Variants in NEDD4L observed in about 807,000 individuals in gnomAD.
NEDD4L encodes the protein E3 ubiquitin-protein ligase NEDD4-like.
In NEDD4L, 54 loss-of-function variants were observed where a neutral mutation model predicts 148.9. The ratio of observed to expected loss-of-function variants is 0.36; its 90% CI spans 0.29 to 0.45. The LOEUF is 0.45. NEDD4L is among the 20% of genes least tolerant of loss of function. NEDD4L has a pLI of 1.00. For missense variants in NEDD4L, 856 were observed against 1,233.8 expected (o/e 0.69, Z 4.59); for synonymous variants, 433 against 440.7 (o/e 0.98, Z 0.22).
At chr18:58,203,640 A>C (rs560713966) in intron 2 of NEDD4L, among the ~76,000 whole-genome samples, 1 of 151,252 alleles carries the variant, frequency 6.6e-6, no homozygotes, top group South Asian at 2.1e-4. Flanking sequence ...AAACTATGTT[A>C]GCTATACCCA....
Position 58,071,039 on chromosome 18 carries a change from A to C in NEDD4L, c.48+26331A>C, listed in dbSNP as rs186606323. ...ATATGTCCCATATACAGGTTAAAAA[A>C]ACACACACACACACACACCTCGGTT... On this transcript the variant is annotated intron_variant, in intron 1 of 30. Transcript: ENST00000400345. Among the ~76,000 whole-genome samples, 331 of 151,532 alleles carry C rather than the reference A, an allele frequency of 2.2e-3. 4 individuals carry two copies. The highest frequency in any genetic ancestry group is 0.013 in the Admixed American group (195 of 15,184).
At chr18:58,105,703 T>C (rs1304887312) in intron 1 of NEDD4L, among the ~76,000 whole-genome samples, 3 of 152,210 alleles carry the variant, frequency 2.0e-5, no homozygotes, top group Non-Finnish European at 4.4e-5. Context: ...CACGAGTCAA[T>C]GTGTTGTTTT....
chr18:58,387,313 C>A, intron 26 of NEDD4L, 126 bp from the exon 27 acceptor site: 1 of 1,096,454 alleles, frequency 9.1e-7, no homozygotes. Flanking sequence ...GATACTGTCA[C>A]TGACATAGGA....
chr18:58,268,668 T>G (rs2050585694), intron 5 of NEDD4L, among the ~76,000 whole-genome samples: 1 of 152,018 alleles, frequency 6.6e-6, no homozygotes, highest in African/African-American at 2.4e-5. Context: ...AAATAGACAC[T>G]CCTTTGTCTC....
At chr18:58,190,624 A>G (rs1031148714) in intron 2 of NEDD4L, among the ~76,000 whole-genome samples, 1 of 152,144 alleles carries the variant, frequency 6.6e-6, no homozygotes, top group Admixed American at 6.5e-5. Context: ...CTAAGTATGT[A>G]TATGTGTAAG....
intron 5 of NEDD4L, among the ~76,000 whole-genome samples, chr18:58,290,822 A>G (rs542781836): frequency 2.0e-5 from 3 of 152,056 alleles, no homozygotes; most frequent in East Asian, 1.9e-4. Context: ...TTAGCACCCT[A>G]TTTTTCCTCT....
At chr18:58,079,900 CTTTGT>C (rs954038271) in intron 1 of NEDD4L, among the ~76,000 whole-genome samples, 9 of 152,226 alleles carry the variant, frequency 5.9e-5, no homozygotes, top group African/African-American at 1.9e-4. Context: ...GCAGAATTCT[CTTTGT>C]TTTAATAATA....
intron 1 of NEDD4L, among the ~76,000 whole-genome samples, chr18:58,163,350 C>T (rs947110748): frequency 1.2e-4 from 18 of 152,322 alleles, no homozygotes; most frequent in Admixed American, 3.9e-4. Flanking sequence ...AGAAAAGAGC[C>T]TTGGCCTACA....
At chr18:58,047,216 A>G (rs2081625559) in intron 1 of NEDD4L, 1 of 982,672 alleles carries the variant, frequency 1.0e-6, no homozygotes. Flanking sequence ...AGAATATCAC[A>G]TATGAAGATA....
chr18:58,343,164 A>G, intron 16 of NEDD4L, 61 bp downstream of exon 16: 6 of 1,367,682 alleles, frequency 4.4e-6, no homozygotes, highest in Non-Finnish European at 5.9e-6. Context: ...TAATTCCTTG[A>G]TTTCCTTAGT....
intron 1 of NEDD4L, chr18:58,046,091 A>T (rs2081568448): frequency 6.6e-6 from 1 of 152,180 alleles, no homozygotes; most frequent in Admixed American, 6.5e-5. Context: ...TAGCGGTGCT[A>T]GGCAAAGCTT....
chr18:58,333,758 A>G (rs1405441348), intron 11 of NEDD4L, 60 bp from the exon 12 acceptor site: 5 of 1,218,426 alleles, frequency 4.1e-6, no homozygotes, highest in Non-Finnish European at 6.1e-6. Flanking sequence ...TGTTAAACCA[A>G]TGAAAGTTGC....
rs886930473 is a variant in NEDD4L at position 58,396,999 on chromosome 18, C to T, written c.*730C>T. The T allele has an allele frequency of 6.6e-6, 1 of 152,594 alleles. No homozygotes were observed. Among genetic ancestry groups the T allele is most frequent in the African/African-American group, 2.4e-5 (1 of 41,424 alleles). The allele number at this position is 152,594 out of a possible 1,614,324, so 9.5% of individuals were successfully genotyped here. A position where few individuals can be genotyped will look rare whatever the true frequency, so the allele number is the denominator to read the frequency against. ...ACAGGCTGAGAGAATTGTAACATAG[C>T]ATGACAAATTTTGTGTTGACTTGAA... On this transcript the variant is annotated 3_prime_UTR_variant, in exon 31 of 31. Transcript: ENST00000400345.
At chr18:58,146,962 G>A (rs1216321347) in intron 1 of NEDD4L, among the ~76,000 whole-genome samples, 1 of 152,174 alleles carries the variant, frequency 6.6e-6, no homozygotes, top group Non-Finnish European at 1.5e-5. Context: ...AGAAGGACAC[G>A]TGGGTAAGGG....
At chr18:58,392,162 G>A (rs968383135) in intron 30 of NEDD4L, among the ~76,000 whole-genome samples, 16 of 152,242 alleles carry the variant, frequency 1.1e-4, no homozygotes, top group African/African-American at 3.9e-4. Flanking sequence ...ATGAAACCCA[G>A]CACAAATGCA....
chr18:58,152,994 T>C (rs1371038462), intron 1 of NEDD4L, among the ~76,000 whole-genome samples: 1 of 152,208 alleles, frequency 6.6e-6, no homozygotes, highest in African/African-American at 2.4e-5. Flanking sequence ...TGATGCCTTT[T>C]CTGTGTCTTC....
chr18:58,057,395 G>A (rs939140849), intron 1 of NEDD4L, among the ~76,000 whole-genome samples: 2 of 152,166 alleles, frequency 1.3e-5, no homozygotes, highest in Non-Finnish European at 2.9e-5. Flanking sequence ...CACTCACAGT[G>A]GGGTAGCTGG....
intron 1 of NEDD4L, 161 bp from the exon 2 acceptor site, chr18:58,165,626 CT>C (rs1178473077): frequency 4.0e-6 from 6 of 1,499,256 alleles, no homozygotes; most frequent in African/African-American, 2.8e-5. Context: ...TGGAATATTG[CT>C]TTTTGAACTT....
intron 5 of NEDD4L, chr18:58,255,339 A>C: frequency 1.9e-5 from 5 of 269,880 alleles, no homozygotes; most frequent in Non-Finnish European, 2.6e-5. Flanking sequence ...AAGAGCGAGT[A>C]GGGGAAAACT....
Sources: gnomAD v4.1 joint callset for allele counts (sites outside exome capture counted in the v4.1 genomes callset) on GRCh38, gnomAD v4.1.1 for gene constraint, MANE v1.5 for transcripts, NCBI Gene and HGNC (gene_info 2026-07-23, HGNC 2026-07-21) for gene names.